SLC35D2: variants seen among roughly 807,000 people sequenced by gnomAD.
SLC35D2 encodes the protein solute carrier family 35 member D2.
In SLC35D2, 43 loss-of-function variants were observed where a neutral mutation model predicts 41.8. The ratio of observed to expected loss-of-function variants is 1.03; its 90% confidence interval spans 0.81 to 1.33. The LOEUF (loss-of-function observed/expected upper bound fraction) is 1.33, where lower values mean the gene tolerates loss of function less well. SLC35D2 is among the 40% of genes most tolerant of loss of function. SLC35D2 has a pLI of 0.00. For missense variants in SLC35D2, 380 were observed against 408.4 expected (o/e 0.93, Z 0.60); for synonymous variants, 150 against 163.9 (o/e 0.92, Z 0.65).
intron 9 of SLC35D2, among the ~76,000 whole-genome samples, chr9:96,331,430 G>C (rs2130862419): frequency 6.6e-6 from 1 of 152,176 alleles, no homozygotes; most frequent in African/African-American, 2.4e-5. Context: ...TCAAAGTCTT[G>C]CAAGAATGTA....
In SLC35D2 at chr9:96,352,047, A is replaced by T. The variant is rs1250721723; in HGVS notation, c.410T>A (p.Ile137Asn). Residue 137 changes from isoleucine to asparagine, a missense_variant, in exon 5 of 12, where the codon ATC becomes AAC. Coordinates refer to ENST00000253270, the MANE Select transcript of SLC35D2 (RefSeq NM_007001.3). ...TIPLTLLLET[I>N]ILGKQYSLNI... Reference sequence around the variant, plus strand: ...GGAAAAACAAAATCACCCAAGTATGATGGTTTCCAGAAGTAAGGTAAGTGG... The same window carrying T: ...GGAAAAACAAAATCACCCAAGTATGTTGGTTTCCAGAAGTAAGGTAAGTGG... The T allele has an allele frequency of 6.2e-7, 1 of 1,610,300 alleles. No individual in the cohort carries two copies. Among genetic ancestry groups the T allele is most frequent in the Non-Finnish European group, 8.5e-7 (1 of 1,177,144 alleles).
At chr9:96,323,965 C>T in intron 10 of SLC35D2, 126 bp downstream of exon 10, 2 of 715,370 alleles carry the variant, frequency 2.8e-6, no homozygotes, top group South Asian at 3.5e-5. Flanking sequence ...ACAGGCCGAG[C>T]TGAAAAGGTC....
chr9:96,315,645 G>A (rs1018976558), intron 11 of SLC35D2, among the ~76,000 whole-genome samples: 4 of 151,836 alleles, frequency 2.6e-5, no homozygotes, highest in African/African-American at 9.7e-5. Context: ...ATGTTAGCCG[G>A]GATGGTCTCC....
rs747817855 is a variant in SLC35D2, at chr9:96,364,491, AG to A, written c.251del (p.Pro84LeufsTer9). ...TTACAGGAATTTTCTTATCAAAATC[AG>A]GGAAGTGAATGATTTTGTTTAGCTT... ...VSKLNKIIHF[P>X]DFDKKIPVKL... On this transcript the variant is annotated frameshift_variant, in exon 3 of 12. Coordinates refer to ENST00000253270, the MANE Select transcript of SLC35D2 (RefSeq NM_007001.3). LOFTEE classifies it high-confidence loss of function. The A allele has an allele frequency of 3.8e-6, 6 of 1,599,876 alleles. No homozygotes were observed. The highest frequency in any genetic ancestry group is 4.3e-6 in the Non-Finnish European group (5 of 1,167,946).
intron 1 of SLC35D2, among the ~76,000 whole-genome samples, chr9:96,379,242 G>A (rs1831090183): frequency 6.6e-6 from 1 of 151,880 alleles, no homozygotes; most frequent in Admixed American, 6.6e-5. Flanking sequence ...AGGAGGTAGA[G>A]GCTGAAGTGA....
chr9:96,362,728 T>A (rs961000076), intron 3 of SLC35D2, among the ~76,000 whole-genome samples: 11 of 152,152 alleles, frequency 7.2e-5, no homozygotes, highest in Non-Finnish European at 1.0e-4. Context: ...TTTACCATTT[T>A]AAAATTTTTT....
Position 96,356,169 on chromosome 9 carries a change from G to T in SLC35D2, c.347+3985C>A, listed in dbSNP as rs529968131. Among the ~76,000 whole-genome samples, 4 of 152,292 alleles carry T rather than the reference G, an allele frequency of 2.6e-5. No individual in the cohort carries two copies. The South Asian group carries it at 8.3e-4, about 32-fold the overall frequency. ...TGCCATGGGATCTCTGCGCGCACTG[G>T]CTCCCCTTCCCCTTCTGCCAGGAGG... On this transcript the variant is annotated intron_variant, in intron 4 of 11. Coordinates refer to ENST00000253270, the MANE Select transcript of SLC35D2 (RefSeq NM_007001.3).
chr9:96,364,712 T>C (rs1050784251), intron 2 of SLC35D2, among the ~76,000 whole-genome samples, 162 bp from the exon 3 acceptor site: 2 of 152,142 alleles, frequency 1.3e-5, no homozygotes, highest in African/African-American at 4.8e-5. Context: ...AATATTAACA[T>C]TGTTTTCCTT....
chr9:96,329,830 G>A (rs1196721415), intron 9 of SLC35D2, among the ~76,000 whole-genome samples: 1 of 152,214 alleles, frequency 6.6e-6, no homozygotes, highest in Non-Finnish European at 1.5e-5. Flanking sequence ...CTCAATAAAG[G>A]AATCTATATT....
chr9:96,356,102 T>C (rs1476081149), intron 4 of SLC35D2, among the ~76,000 whole-genome samples: 1 of 152,196 alleles, frequency 6.6e-6, no homozygotes, highest in Non-Finnish European at 1.5e-5. Flanking sequence ...TTAACTCCCA[T>C]GAAGGTTGAT....
intron 1 of SLC35D2, among the ~76,000 whole-genome samples, chr9:96,371,805 C>A (rs866197528): frequency 0.021 from 2,911 of 138,688 alleles, 39 homozygotes; most frequent in Middle Eastern, 0.066. Flanking sequence ...CGGCTCACTG[C>A]AAGCTCCGCC....
chr9:96,374,182 A>G (rs1232395550), intron 1 of SLC35D2: 1 of 152,264 alleles, frequency 6.6e-6, no homozygotes. Context: ...TTTTTGGATT[A>G]AAGAAAATAA....
At chr9:96,364,436 A>C (rs1414349483) in intron 3 of SLC35D2, 28 bp downstream of exon 3, 4 of 1,271,748 alleles carry the variant, frequency 3.1e-6, no homozygotes. Context: ...ATCTTCTATC[A>C]CAGTCATACA....
chr9:96,352,748 T>A (rs1376354815), intron 4 of SLC35D2, among the ~76,000 whole-genome samples: 1 of 151,572 alleles, frequency 6.6e-6, no homozygotes, highest in East Asian at 2.0e-4. Context: ...CATTAAATAG[T>A]CCTGACCGAC....
Position 96,313,632 on chromosome 9 carries a change from T to A in SLC35D2, c.*2303A>T, listed in dbSNP as rs562962805. 5.3e-5 allele frequency among the ~76,000 whole-genome samples: 8 copies of A among 152,190 alleles called. No homozygotes were observed. The East Asian group carries it at 1.4e-3, about 26-fold the overall frequency. On this transcript the variant is annotated 3_prime_UTR_variant and NMD_transcript_variant, in exon 12 of 12. Coordinates refer to the SLC35D2 transcript ENST00000650065. ...TTAGACTATCTAATGTAACCCAAGGTCCCCAGGCAAACAAAGACACTCCTC... is the reference window on the plus strand; with the variant it reads ...TTAGACTATCTAATGTAACCCAAGGACCCCAGGCAAACAAAGACACTCCTC...
chr9:96,349,516 G>T (rs1248423916), intron 6 of SLC35D2, among the ~76,000 whole-genome samples: 1 of 151,204 alleles, frequency 6.6e-6, no homozygotes, highest in Non-Finnish European at 1.5e-5. Context: ...CTCTCAATCT[G>T]CTCTTTTGTC....
At position 96,343,592 on chromosome 9, in the gene SLC35D2, G is replaced by T. The variant is rs142692829; in HGVS notation, c.684+312C>A. The stretch of plus-strand genomic sequence containing the variant: ...TAAAATGATCAAAATCCCCTTCTAG[G>T]GTAAGTAGCTCTCCCAGGGTCCCCA... On this transcript the variant is annotated intron_variant, in intron 8 of 11. Coordinates refer to ENST00000253270, the MANE Select transcript of SLC35D2 (RefSeq NM_007001.3). 6.8e-3 allele frequency among the ~76,000 whole-genome samples: 1,029 copies of T among 152,176 alleles called. 8 individuals carry two copies. Among genetic ancestry groups the T allele is most frequent in the Middle Eastern group, 0.014 (4 of 294 alleles).
At position 96,344,013 on chromosome 9, in the gene SLC35D2, G is replaced by T; in HGVS notation, c.592-17C>A. On this transcript the variant is annotated splice_polypyrimidine_tract_variant and intron_variant, in intron 7 of 11. Transcript: ENST00000253270. The stretch of plus-strand genomic sequence containing the variant: ...CCCTAGCTCCTGCAAAAACAAAAAT[G>T]TAAAAACCACTCAGTTTCAGAAACG... 6.6e-7 allele frequency: 1 copy of T among 1,525,024 alleles called. No homozygotes were observed. The allele number at this position is 1,525,024 out of a possible 1,614,324, so 94.5% of individuals were successfully genotyped here.
intron 3 of SLC35D2, among the ~76,000 whole-genome samples, chr9:96,363,350 AAAT>A (rs1213097559): frequency 6.6e-6 from 1 of 152,198 alleles, no homozygotes; most frequent in African/African-American, 2.4e-5. Context: ...TCTGTCTGAT[AAAT>A]AATCCAGTGC....
Sources: allele counts gnomAD v4.1 joint callset (sites outside exome capture counted in the v4.1 genomes callset), GRCh38; gene constraint gnomAD v4.1.1; transcripts MANE v1.5; gene names NCBI Gene and HGNC (gene_info 2026-07-23, HGNC 2026-07-21).